The following DOCK7 variants were observed in gnomAD, a reference collection of about 807,000 sequenced individuals.
The protein encoded by DOCK7 is dedicator of cytokinesis 7.
A neutral mutation model predicts 271.0 loss-of-function variants in DOCK7; 138 were observed. That is an observed-to-expected ratio of 0.51 (90% confidence interval 0.44 to 0.59). The LOEUF (loss-of-function observed/expected upper bound fraction) is 0.59. Among genes scored for constraint, DOCK7 ranks in the 20% least tolerant of loss-of-function variants. The pLI, the probability that DOCK7 is intolerant of heterozygous loss-of-function variation, is 0.00. For synonymous variants in DOCK7, 823 were observed against 876.1 expected (o/e 0.94, Z 1.07); for missense variants, 2,066 against 2,592.4 (o/e 0.80, Z 4.41).
intron 14 of DOCK7, chr1:62,598,179 C>A: frequency 1.0e-6 from 1 of 1,000,140 alleles, no homozygotes; most frequent in Non-Finnish European, 1.4e-6. Context: ...ACTTTTTTTT[C>A]CAAGAAAAAT....
At chr1:62,556,026 C>A (rs778207068) in intron 20 of DOCK7, 37 bp from the exon 21 acceptor site, 147 of 1,599,976 alleles carry the variant, frequency 9.2e-5, no homozygotes, top group Non-Finnish European at 1.2e-4. Context: ...TTTGCTTTAA[C>A]TTTTTTTAGA....
chr1:62,548,658 T>C (rs924499744), intron 22 of DOCK7, among the ~76,000 whole-genome samples: 7 of 152,240 alleles, frequency 4.6e-5, no homozygotes, highest in Admixed American at 3.9e-4. Flanking sequence ...CAACCTCAGG[T>C]GATCCACCTG....
At chr1:62,652,373 T>C (rs569531072) in intron 4 of DOCK7, among the ~76,000 whole-genome samples, 3 of 152,288 alleles carry the variant, frequency 2.0e-5, no homozygotes, top group African/African-American at 7.2e-5. Context: ...TACCAGTGCA[T>C]ATAATGTATA....
At chr1:62,511,273 T>C (rs909290973) in intron 33 of DOCK7, 1 of 152,202 alleles carries the variant, frequency 6.6e-6, no homozygotes, top group Non-Finnish European at 1.5e-5. Context: ...ATGTTATGTC[T>C]AGGCTGATAA....
intron 1 of DOCK7, among the ~76,000 whole-genome samples, chr1:62,675,410 A>C (rs1294929679): frequency 6.6e-5 from 10 of 152,180 alleles, no homozygotes; most frequent in Admixed American, 6.5e-4. Context: ...TCAATCAATC[A>C]ATCGATACAA....
chr1:62,468,137 G>C (rs916810103), intron 48 of DOCK7, among the ~76,000 whole-genome samples: 5 of 152,110 alleles, frequency 3.3e-5, no homozygotes, highest in African/African-American at 1.2e-4. Flanking sequence ...GAGGTGGGCA[G>C]ATCGCCTGAG....
At chr1:62,495,715 AATTGTCATTC>A in intron 38 of DOCK7, 34 bp from the exon 39 acceptor site, 1 of 1,502,322 alleles carries the variant, frequency 6.7e-7, no homozygotes, top group Non-Finnish European at 9.0e-7. Context: ...AACATTCTTG[AATTGTCATTC>A]ATCCATAATC....
rs531613672 is a variant in DOCK7 at position 62,512,915 on chromosome 1, A to G, written c.4282+529T>C. On this transcript the variant is annotated intron_variant, in intron 33 of 49. Transcript: ENST00000635253. Reference sequence around the variant, plus strand: ...GACAGAGCGAGAATCTGTCTCAACTAAAAAAAAAAAGTAAAAATAGATGTT... The same window carrying G: ...GACAGAGCGAGAATCTGTCTCAACTGAAAAAAAAAAGTAAAAATAGATGTT... Among the ~76,000 whole-genome samples, 312 of 134,668 alleles carry G rather than the reference A, an allele frequency of 2.3e-3. 2 individuals carry two copies. The highest frequency in any genetic ancestry group is 9.4e-3 in the African/African-American group (297 of 31,726). The allele number at this position is 134,668 out of a possible 152,430, so 88.3% of individuals were successfully genotyped here. A position where few individuals can be genotyped will look rare whatever the true frequency, so the allele number is the denominator to read the frequency against.
At chr1:62,671,165 C>T (rs1307043493) in intron 1 of DOCK7, among the ~76,000 whole-genome samples, 5 of 152,144 alleles carry the variant, frequency 3.3e-5, no homozygotes, top group Admixed American at 2.6e-4. Context: ...ACTCCAGACG[C>T]GCCACCTTAA....
chr1:62,647,158 CTT>C (rs1221064981), intron 7 of DOCK7, among the ~76,000 whole-genome samples: 1 of 152,094 alleles, frequency 6.6e-6, no homozygotes, highest in East Asian at 1.9e-4. Context: ...AATAATTAAA[CTT>C]ATAATATTAA....
chr1:62,651,053 C>T (rs554042460), intron 4 of DOCK7, among the ~76,000 whole-genome samples: 2 of 152,046 alleles, frequency 1.3e-5, no homozygotes, highest in South Asian at 4.2e-4. Context: ...CCCAAATGTC[C>T]ATCAATGATA....
chr1:62,462,106 T>C (rs892303049), intron 48 of DOCK7, among the ~76,000 whole-genome samples: 4 of 151,824 alleles, frequency 2.6e-5, no homozygotes, highest in Non-Finnish European at 4.4e-5. Flanking sequence ...ATAAAAGCAT[T>C]ATATACTAAA....
At chr1:62,615,531 G>T (rs1205931830) in intron 14 of DOCK7, among the ~76,000 whole-genome samples, 1 of 151,724 alleles carries the variant, frequency 6.6e-6, no homozygotes, top group Admixed American at 6.6e-5. Context: ...ATAAGGTTAT[G>T]TAAAGCCCTA....
chr1:62,677,688 G>A (rs190254137), intron 1 of DOCK7, among the ~76,000 whole-genome samples: 1 of 152,196 alleles, frequency 6.6e-6, no homozygotes, highest in Non-Finnish European at 1.5e-5. Context: ...CTGGAATGAA[G>A]AAGAAAAGCC....
At chr1:62,521,821 C>G (rs998082955) in intron 31 of DOCK7, among the ~76,000 whole-genome samples, 12 of 151,916 alleles carry the variant, frequency 7.9e-5, no homozygotes, top group Admixed American at 7.9e-4. Flanking sequence ...ACTAAAAATA[C>G]AAACATTAGT....
At chr1:62,597,740 A>G in intron 14 of DOCK7, 1 of 1,613,630 alleles carries the variant, frequency 6.2e-7, no homozygotes, top group South Asian at 1.1e-5. Context: ...ATGGTCTTAA[A>G]GACTTTGTCC....
intron 15 of DOCK7, among the ~76,000 whole-genome samples, chr1:62,586,255 C>G (rs1438407270): frequency 1.3e-5 from 2 of 152,088 alleles, no homozygotes; most frequent in Non-Finnish European, 2.9e-5. Flanking sequence ...TATATGTATT[C>G]ATTTTATATC....
At chr1:62,471,039 A>G (rs1645816347) in intron 48 of DOCK7, among the ~76,000 whole-genome samples, 1 of 152,120 alleles carries the variant, frequency 6.6e-6, no homozygotes, top group Non-Finnish European at 1.5e-5. Flanking sequence ...GAAGCCCTTT[A>G]TGATGATCCA....
At chr1:62,629,506 T>G (rs755528974) in intron 11 of DOCK7, 2 of 152,138 alleles carry the variant, frequency 1.3e-5, no homozygotes, top group Non-Finnish European at 2.9e-5. Flanking sequence ...CAAGTCAATA[T>G]GTATGAAATG....
Sources: allele counts gnomAD v4.1 joint callset (sites outside exome capture counted in the v4.1 genomes callset), GRCh38; gene constraint gnomAD v4.1.1; transcripts MANE v1.5; gene names NCBI Gene and HGNC (gene_info 2026-07-23, HGNC 2026-07-21).